The following CAMTA1 variants were observed in gnomAD, a reference collection of about 807,000 sequenced individuals.
CAMTA1 encodes the protein calmodulin-binding transcription activator 1.
Under a neutral mutation model 170.9 loss-of-function variants are expected in CAMTA1, and 27 were observed. The ratio of observed to expected loss-of-function variants is 0.16; its 90% CI spans 0.12 to 0.22. CAMTA1 has a LOEUF of 0.22. Among genes scored for constraint, CAMTA1 ranks in the 10% least tolerant of loss-of-function variants. The probability of loss-of-function intolerance (pLI) is 1.00; values close to 1 mark genes in which losing one functional copy is unlikely to be tolerated. For missense variants in CAMTA1, 1,619 were observed against 2,217.2 expected (o/e 0.73, Z 5.42); for synonymous variants, 833 against 891.5 (o/e 0.93, Z 1.17).
intron 3 of CAMTA1, among the ~76,000 whole-genome samples, chr1:7,056,902 C>T (rs915039379): frequency 3.3e-5 from 5 of 152,200 alleles, no homozygotes; most frequent in African/African-American, 7.2e-5. Context: ...TGGGTGGTTC[C>T]GCTGGGACAC....
intron 6 of CAMTA1, among the ~76,000 whole-genome samples, chr1:7,614,737 C>T (rs2095547877): frequency 6.6e-6 from 1 of 152,192 alleles, no homozygotes; most frequent in Non-Finnish European, 1.5e-5. Context: ...CTGGCCCAGG[C>T]TAGACTGTGA....
intron 3 of CAMTA1, among the ~76,000 whole-genome samples, chr1:6,848,518 T>C (rs982581538): frequency 6.6e-6 from 1 of 152,204 alleles, no homozygotes; most frequent in East Asian, 1.9e-4. Flanking sequence ...CTGTGGACCA[T>C]GTAGAGAATG....
chr1:7,477,314 AG>A (rs1331937477), intron 6 of CAMTA1, among the ~76,000 whole-genome samples: 3 of 152,090 alleles, frequency 2.0e-5, no homozygotes, highest in South Asian at 2.1e-4. Flanking sequence ...TGTCAGCCAG[AG>A]GGTTCCTAAG....
At chr1:7,052,961 G>A (rs1275743187) in intron 3 of CAMTA1, among the ~76,000 whole-genome samples, 1 of 152,208 alleles carries the variant, frequency 6.6e-6, no homozygotes, top group Non-Finnish European at 1.5e-5. Context: ...CAGAGCAGAG[G>A]AGACAGGGGC....
intron 6 of CAMTA1, among the ~76,000 whole-genome samples, chr1:7,637,031 T>G (rs189031190): frequency 1.7e-4 from 26 of 152,320 alleles, no homozygotes; most frequent in African/African-American, 6.3e-4. Context: ...CCTCAAAGAA[T>G]AGGTGGAGGC....
chr1:7,069,350 T>C (rs1638291435), intron 3 of CAMTA1, among the ~76,000 whole-genome samples: 1 of 152,192 alleles, frequency 6.6e-6, no homozygotes, highest in African/African-American at 2.4e-5. Flanking sequence ...AGCTTGTAAG[T>C]GGTGGAACCA....
intron 9 of CAMTA1, among the ~76,000 whole-genome samples, chr1:7,667,954 G>A (rs931494715): frequency 6.6e-6 from 1 of 152,202 alleles, no homozygotes; most frequent in Admixed American, 6.5e-5. Context: ...CCTCCTTGCT[G>A]TCCTCTCCTA....
chr1:7,378,180 T>A (rs1427499869), intron 5 of CAMTA1, among the ~76,000 whole-genome samples: 3 of 152,206 alleles, frequency 2.0e-5, no homozygotes, highest in African/African-American at 7.2e-5. Flanking sequence ...TTTACATAAG[T>A]GCTGGAGGGC....
At chr1:7,431,706 G>T (rs1388654345) in intron 5 of CAMTA1, among the ~76,000 whole-genome samples, 1 of 152,176 alleles carries the variant, frequency 6.6e-6, no homozygotes, top group Non-Finnish European at 1.5e-5. Context: ...GTCCCCTTAG[G>T]TGAATTCCTG....
rs1294722215 is a variant in CAMTA1 at position 7,534,811 on chromosome 1, C to T, written c.510+66910C>T. Among the ~76,000 whole-genome samples the T allele has an allele frequency of 2.6e-5, 4 of 152,160 alleles. No homozygotes were observed. Among genetic ancestry groups the T allele is most frequent in the Admixed American group, 1.3e-4 (2 of 15,278 alleles). ...GTCCTCAACTTTAGAGAAAGGCCAGCGAAAGTGAGGTTTATGGCTTGTCCC... is the reference window on the plus strand; with the variant it reads ...GTCCTCAACTTTAGAGAAAGGCCAGTGAAAGTGAGGTTTATGGCTTGTCCC... On this transcript the variant is annotated intron_variant, in intron 6 of 22. Transcript: ENST00000303635. This position sits in a 1 kb window ranked among gnomAD's most constrained non-coding sequence, Gnocchi z 5.6.
chr1:7,013,662 G>A (rs963533680), intron 3 of CAMTA1, among the ~76,000 whole-genome samples: 2 of 152,170 alleles, frequency 1.3e-5, no homozygotes, highest in Non-Finnish European at 2.9e-5. Flanking sequence ...AGTCAGGGAT[G>A]GAGCCAGGAG....
At chr1:6,870,564 T>C (rs1668123986) in intron 3 of CAMTA1, among the ~76,000 whole-genome samples, 1 of 152,224 alleles carries the variant, frequency 6.6e-6, no homozygotes, top group Non-Finnish European at 1.5e-5. Context: ...TATATTTTAA[T>C]ATCTAAGTGT....
Position 7,673,008 on chromosome 1 carries a change from A to G in CAMTA1, c.2779+1971A>G, listed in dbSNP as rs568346353. On this transcript the variant is annotated intron_variant, in intron 10 of 22. Coordinates refer to ENST00000303635, the MANE Select transcript of CAMTA1 (RefSeq NM_015215.4). This position sits in a 1 kb window ranked among gnomAD's most constrained non-coding sequence, Gnocchi z 4.6. The stretch of plus-strand genomic sequence containing the variant: ...CCTATCACAGCTCAGGGCTGTGTGC[A>G]GCTGATGGGACCCCGGCCCGGCGGG... 6.6e-6 allele frequency among the ~76,000 whole-genome samples: 1 copy of G among 152,290 alleles called. No homozygotes were observed. Among genetic ancestry groups the G allele is most frequent in the South Asian group, 2.1e-4 (1 of 4,828 alleles).
At chr1:7,150,523 C>T (rs1646511771) in intron 4 of CAMTA1, among the ~76,000 whole-genome samples, 1 of 152,098 alleles carries the variant, frequency 6.6e-6, no homozygotes, top group South Asian at 2.1e-4. Flanking sequence ...TTAGGGCCAT[C>T]CTGGGCATGG....
chr1:7,133,889 A>C (rs74051140), intron 4 of CAMTA1, among the ~76,000 whole-genome samples: 5,075 of 152,302 alleles, frequency 0.033, 256 homozygotes, highest in African/African-American at 0.11. Context: ...CTATGAAATA[A>C]GTTTTTTAAA....
intron 1 of CAMTA1, among the ~76,000 whole-genome samples, chr1:6,788,350 C>T (rs1640029594): frequency 6.6e-6 from 1 of 152,148 alleles, no homozygotes; most frequent in Admixed American, 6.5e-5. Flanking sequence ...GCTCGCTTTG[C>T]CTCAGTTTAC....
In CAMTA1 at chr1:7,286,134, C is replaced by T. The variant is rs1448894617; in HGVS notation, c.438+36508C>T. On this transcript the variant is annotated intron_variant, in intron 5 of 22. Coordinates refer to ENST00000303635, the MANE Select transcript of CAMTA1 (RefSeq NM_015215.4). This position sits in a 1 kb window ranked among gnomAD's most constrained non-coding sequence, Gnocchi z 4.2. ...CTGTTCTTGAGGTGTGCACAGCCTG[C>T]GTGCTGAGGGGATGAGTGAGCCTGC... 1.3e-5 allele frequency among the ~76,000 whole-genome samples: 2 copies of T among 152,130 alleles called. No homozygotes were observed. The highest frequency in any genetic ancestry group is 2.9e-5 in the Non-Finnish European group (2 of 68,024).
chr1:7,665,013 C>T lies in CAMTA1; in HGVS notation c.2466C>T (p.Pro822=). 6.3e-7 allele frequency: 1 copy of T among 1,597,716 alleles called. No individual in the cohort carries two copies. Among genetic ancestry groups the T allele is most frequent in the Non-Finnish European group, 8.5e-7 (1 of 1,171,496 alleles). Residue 822 remains proline (P), a synonymous_variant, in exon 9 of 23, where the codon CCC becomes CCT. Coordinates refer to ENST00000303635, the MANE Select transcript of CAMTA1 (RefSeq NM_015215.4). This position sits in a 1 kb window ranked among gnomAD's most constrained non-coding sequence, Gnocchi z 4.3. ...TCACCCAGGCAGAGATGTGCCTCCCCTGCTGTAGCCCCCAGCAGGGTAGCC... is the reference window on the plus strand; with the variant it reads ...TCACCCAGGCAGAGATGTGCCTCCCTTGCTGTAGCCCCCAGCAGGGTAGCC... ...APFTQAEMCL[P]CCSPQQGSLQ... is the part of the protein sequence containing the mutation.
At chr1:6,872,103 G>C (rs1280872771) in intron 3 of CAMTA1, 2 of 507,638 alleles carry the variant, frequency 3.9e-6, no homozygotes, top group Admixed American at 1.1e-4. Flanking sequence ...TTTTATTCAT[G>C]TTTTGCAGAA....
Sources: gnomAD v4.1 joint callset for allele counts (sites outside exome capture counted in the v4.1 genomes callset) on GRCh38, gnomAD v4.1.1 for gene constraint, Gnocchi (gnomAD v3.1) non-coding constraint, MANE v1.5 for transcripts, NCBI Gene and HGNC (gene_info 2026-07-23, HGNC 2026-07-21) for gene names.